The following DOCK8 variants were observed in gnomAD, a reference collection of about 807,000 sequenced individuals.
DOCK8 encodes the protein dedicator of cytokinesis protein 8.
In DOCK8, 141 loss-of-function variants were observed where a neutral mutation model predicts 245.6. The ratio of observed to expected loss-of-function variants is 0.57; its 90% CI spans 0.50 to 0.66. The LOEUF (loss-of-function observed/expected upper bound fraction) is 0.66, where lower values mean the gene tolerates loss of function less well. DOCK8 is among the 30% of genes least tolerant of loss of function. The probability of loss-of-function intolerance (pLI) is 0.00; values close to 1 mark genes in which losing one functional copy is unlikely to be tolerated. For synonymous variants in DOCK8, 1,168 were observed against 970.2 expected, an observed-to-expected ratio of 1.20 and a Z score of -3.79; for missense variants, 2,965 against 2,603.4, an observed-to-expected ratio of 1.14 and a Z score of -3.02.
At chr9:334,772 A>T (rs931744935) in intron 11 of DOCK8, among the ~76,000 whole-genome samples, 9 of 152,140 alleles carry the variant, frequency 5.9e-5, no homozygotes, top group African/African-American at 2.2e-4. Context: ...CTCTGTTACA[A>T]AGGCTTCAAA....
chr9:442,222 C>T (rs1370853814), intron 42 of DOCK8, among the ~76,000 whole-genome samples: 1 of 152,196 alleles, frequency 6.6e-6, no homozygotes, highest in Non-Finnish European at 1.5e-5. Context: ...CCCTAATACT[C>T]TGTGTATGCT....
intron 4 of DOCK8, among the ~76,000 whole-genome samples, chr9:299,187 A>C (rs904944082): frequency 6.6e-6 from 1 of 151,944 alleles, no homozygotes; most frequent in African/African-American, 2.4e-5. Flanking sequence ...TTTTTCTTTG[A>C]GCCCTTAGGG....
At position 359,705 on chromosome 9, in the gene DOCK8, C is replaced by T. The variant is rs150162888; in HGVS notation, c.1680-8313C>T. Among the ~76,000 whole-genome samples, 1,452 of 151,394 alleles carry T rather than the reference C, an allele frequency of 9.6e-3. 22 individuals are homozygous for T. The highest frequency in any genetic ancestry group is 0.034 in the African/African-American group (1,402 of 41,234). ...ACAAATTGCTATAGAGAGTAAAAAG[C>T]GCCAACCTTTTCCTGTAGTTTTTGA... On this transcript the variant is annotated intron_variant, in intron 14 of 47. Coordinates refer to ENST00000432829, the MANE Select transcript of DOCK8 (RefSeq NM_203447.4).
At chr9:372,109 T>C (rs749985781) in intron 17 of DOCK8, 76 bp from the exon 18 acceptor site, 44 of 1,299,982 alleles carry the variant, frequency 3.4e-5, no homozygotes, top group African/African-American at 4.4e-5. Flanking sequence ...TGCATTTGAT[T>C]ATTGCGAGCT....
Position 274,758 on chromosome 9 carries a change from C to T in DOCK8, c.156+3029C>T, listed in dbSNP as rs116837288. Among the ~76,000 whole-genome samples, 950 of 152,266 alleles carry T rather than the reference C, an allele frequency of 6.2e-3. 11 individuals carry two copies. Among genetic ancestry groups the T allele is most frequent in the African/African-American group, 0.02 (847 of 41,558 alleles). On this transcript the variant is annotated intron_variant, in intron 2 of 47. Coordinates refer to ENST00000432829, the MANE Select transcript of DOCK8 (RefSeq NM_203447.4). ...GAGTAGTTTATCATCTAAAGACTCTCAACCTAAAGCTGTTTTAGAAAACTT... is the reference window on the plus strand; with the variant it reads ...GAGTAGTTTATCATCTAAAGACTCTTAACCTAAAGCTGTTTTAGAAAACTT...
chr9:383,415 C>T (rs984514810), intron 22 of DOCK8, among the ~76,000 whole-genome samples: 2 of 152,148 alleles, frequency 1.3e-5, no homozygotes, highest in African/African-American at 2.4e-5. Flanking sequence ...GCCTGTAATC[C>T]CAGCTATTCA....
intron 1 of DOCK8, among the ~76,000 whole-genome samples, chr9:243,770 A>G (rs76781072): frequency 0.14 from 22,005 of 152,046 alleles, 1,947 homozygotes; most frequent in East Asian, 0.4. Context: ...TGTTTCTCAG[A>G]GTGTGTCAAT....
chr9:403,364 T>G (rs2055203335), intron 26 of DOCK8, among the ~76,000 whole-genome samples: 1 of 152,220 alleles, frequency 6.6e-6, no homozygotes, highest in Admixed American at 6.5e-5. Context: ...CCCTTCAATG[T>G]GCTGGTGGCT....
chr9:447,501 A>G (rs2057301521), intron 44 of DOCK8, among the ~76,000 whole-genome samples: 1 of 152,202 alleles, frequency 6.6e-6, no homozygotes, highest in Non-Finnish European at 1.5e-5. Context: ...CTGGATGTTT[A>G]TGATGTTTTT....
At chr9:358,711 T>C (rs2052572039) in intron 14 of DOCK8, among the ~76,000 whole-genome samples, 1 of 152,032 alleles carries the variant, frequency 6.6e-6, no homozygotes, top group Admixed American at 6.6e-5. Context: ...TAGCCAGGTG[T>C]GGTGGCATGT....
Position 372,300 on chromosome 9 carries a change from T to G in DOCK8, c.2109+14T>G, listed in dbSNP as rs1360544956. 3.7e-6 allele frequency: 6 copies of G among 1,602,078 alleles called. No individual in the cohort carries two copies. Among genetic ancestry groups the G allele is most frequent in the Non-Finnish European group, 5.1e-6 (6 of 1,169,390 alleles). The stretch of plus-strand genomic sequence containing the variant: ...CATTCTGCTGAGGTAATTGGCAAGC[T>G]GGCCATCAGCTGTTTCTTGTCCAGC... On this transcript the variant is annotated intron_variant, in intron 18 of 47. Transcript: ENST00000432829.
intron 26 of DOCK8, among the ~76,000 whole-genome samples, chr9:400,339 T>A (rs908178553): frequency 3.2e-3 from 33 of 10,190 alleles, no homozygotes; most frequent in Non-Finnish European, 5.3e-3. Flanking sequence ...CACCACCTCC[T>A]CCACCACCAC....
intron 1 of DOCK8, among the ~76,000 whole-genome samples, chr9:230,904 A>C (rs1293915055): frequency 6.6e-6 from 1 of 151,930 alleles, no homozygotes; most frequent in East Asian, 1.9e-4. Flanking sequence ...TCTTTAGTTG[A>C]ATTAGATCCC....
At chr9:233,738 T>C (rs1268780913) in intron 1 of DOCK8, among the ~76,000 whole-genome samples, 1 of 152,110 alleles carries the variant, frequency 6.6e-6, no homozygotes, top group Non-Finnish European at 1.5e-5. Context: ...TTTTTTGTTT[T>C]CCATTTGCTT....
chr9:379,527 CTT>C (rs1324468224), intron 20 of DOCK8, among the ~76,000 whole-genome samples: 1 of 152,084 alleles, frequency 6.6e-6, no homozygotes, highest in African/African-American at 2.4e-5. Flanking sequence ...AGTCTTATGT[CTT>C]TGTCATTAAA....
At chr9:412,979 T>C (rs1312118379) in intron 28 of DOCK8, among the ~76,000 whole-genome samples, 1 of 150,402 alleles carries the variant, frequency 6.6e-6, no homozygotes, top group Non-Finnish European at 1.5e-5. Flanking sequence ...AAGAACAAAA[T>C]TGGAGGACTC....
chr9:457,384 A>G (rs2057672678), intron 46 of DOCK8, among the ~76,000 whole-genome samples: 1 of 152,248 alleles, frequency 6.6e-6, no homozygotes, highest in Non-Finnish European at 1.5e-5. Flanking sequence ...AAATGAGTTA[A>G]TACATGGAAC....
intron 33 of DOCK8, 114 bp from the exon 34 acceptor site, chr9:426,771 A>C (rs933399616): frequency 4.4e-5 from 37 of 834,088 alleles, no homozygotes; most frequent in Middle Eastern, 2.1e-4. Flanking sequence ...CTCTGTTTTC[A>C]TTTCAAGGTT....
chr9:382,442 A>G (rs1464228235), intron 21 of DOCK8, 71 bp from the exon 22 acceptor site: 6 of 1,603,352 alleles, frequency 3.7e-6, no homozygotes, highest in South Asian at 1.1e-5. Flanking sequence ...TCCCTCTTCA[A>G]TTCCTTCTTA....
Sources: allele counts gnomAD v4.1 joint callset (sites outside exome capture counted in the v4.1 genomes callset), GRCh38; gene constraint gnomAD v4.1.1; transcripts MANE v1.5; gene names NCBI Gene and HGNC (gene_info 2026-07-23, HGNC 2026-07-21).